Variants in RBFOX1 observed in about 807,000 individuals in gnomAD.
RBFOX1 encodes RNA binding protein fox-1 homolog 1.
A neutral mutation model predicts 57.7 loss-of-function variants in RBFOX1; 8 were observed. The ratio of observed to expected loss-of-function variants is 0.14; its 90% CI spans 0.08 to 0.25. The LOEUF is 0.25. Ranked by LOEUF, RBFOX1 falls within the 10% of genes least tolerant of loss-of-function variation. The probability of loss-of-function intolerance (pLI) is 1.00; values close to 1 mark genes in which losing one functional copy is unlikely to be tolerated. For missense variants in RBFOX1, 611 were observed against 548.5 expected (o/e 1.11, Z -1.14); for synonymous variants, 326 against 222.4 (o/e 1.47, Z -4.15).
At chr16:5,424,819 C>CTCTCT (rs2067465556) in intron 1 of RBFOX1, among the ~76,000 whole-genome samples, 1 of 150,398 alleles carries the variant, frequency 6.6e-6, no homozygotes. Context: ...TTCTCTTCTC[C>CTCTCT]TCTCCTCTCC....
intron 4 of RBFOX1, among the ~76,000 whole-genome samples, chr16:7,417,877 A>G (rs1288610544): frequency 6.6e-6 from 1 of 152,060 alleles, no homozygotes; most frequent in East Asian, 1.9e-4. Context: ...TTCCTCTGTC[A>G]TCTCCCATCT....
At position 7,676,816 on chromosome 16, in the gene RBFOX1, ACTGCCG is replaced by A. The variant is rs974157467; in HGVS notation, c.979_984del (p.Ala327_Ala328del). On this transcript the variant is annotated inframe_deletion, in exon 14 of 16. Transcript: ENST00000550418. ...CCGCTACGCCCAGCCTACCCCTGCC[ACTGCCG>A]CTGCCTACAGTGACAGGTAAGGGTC... 2 of 1,613,164 alleles carry A rather than the reference ACTGCCG, an allele frequency of 1.2e-6. No individual in the cohort carries two copies. The highest frequency in any genetic ancestry group is 3.3e-5 in the Admixed American group (2 of 59,992).
chr16:5,628,619 G>A (rs572111127), intron 3 of RBFOX1, among the ~76,000 whole-genome samples: 13 of 152,284 alleles, frequency 8.5e-5, no homozygotes, highest in African/African-American at 2.6e-4. Flanking sequence ...CAATAAGAGC[G>A]AAGATACCCC....
At chr16:6,283,652 C>G (rs1000213438) in intron 1 of RBFOX1, among the ~76,000 whole-genome samples, 1 of 152,166 alleles carries the variant, frequency 6.6e-6, no homozygotes, top group Admixed American at 6.5e-5. Flanking sequence ...TCCCTTTGTC[C>G]CTACGTGCCG....
chr16:5,631,782 C>T (rs9888965), intron 3 of RBFOX1, among the ~76,000 whole-genome samples: 3 of 151,838 alleles, frequency 2.0e-5, no homozygotes, highest in Non-Finnish European at 2.9e-5. Flanking sequence ...TGTCCAGAGT[C>T]TGGTGAAAGG....
rs570096848 is a variant in RBFOX1 at position 6,638,703 on chromosome 16, C to G, written c.-63-15900C>G. 4.6e-5 allele frequency among the ~76,000 whole-genome samples: 7 copies of G among 152,132 alleles called. 1 individual carries two copies. Among genetic ancestry groups the G allele is most frequent in the Non-Finnish European group, 8.8e-5 (6 of 68,032 alleles). On this transcript the variant is annotated intron_variant, in intron 2 of 15. Coordinates refer to ENST00000550418, the MANE Select transcript of RBFOX1 (RefSeq NM_018723.4). The stretch of plus-strand genomic sequence containing the variant: ...ATTTAATGTTGTCTTATTACGAGCA[C>G]TCATTCCGGAGTACAAAAAATTGAG...
chr16:6,252,051 A>T (rs532987543), intron 1 of RBFOX1, among the ~76,000 whole-genome samples: 20 of 152,218 alleles, frequency 1.3e-4, no homozygotes, highest in Non-Finnish European at 2.9e-4. Flanking sequence ...TCCTTGCTTG[A>T]TGGAGGTTCG....
At chr16:7,240,898 A>G (rs762371772) in intron 4 of RBFOX1, among the ~76,000 whole-genome samples, 2 of 152,316 alleles carry the variant, frequency 1.3e-5, no homozygotes, top group East Asian at 3.9e-4. Context: ...CTCTTCTTGA[A>G]GTACTAATGT....
chr16:5,244,560 T>C (rs1478025699), intron 1 of RBFOX1, among the ~76,000 whole-genome samples: 1 of 152,240 alleles, frequency 6.6e-6, no homozygotes, highest in Non-Finnish European at 1.5e-5. Flanking sequence ...ACAGCTGGAC[T>C]ACAGAGGCTG....
intron 4 of RBFOX1, among the ~76,000 whole-genome samples, chr16:5,998,311 T>A (rs2060525240): frequency 1.3e-5 from 2 of 152,244 alleles, no homozygotes. Flanking sequence ...TGCAATTCAT[T>A]AAATTTGAGG....
chr16:5,369,458 TACCAGGC>T lies in RBFOX1; in HGVS notation c.220-97755_220-97749del, dbSNP rs1385395549. 1.6e-4 allele frequency among the ~76,000 whole-genome samples: 25 copies of T among 152,348 alleles called. No individual in the cohort carries two copies. The South Asian group carries it at 3.7e-3, about 23-fold the overall frequency. On this transcript the variant is annotated intron_variant, in intron 1 of 2. Coordinates refer to the RBFOX1 transcript ENST00000585867. ...TGGCATTTGCAAAAGACCTGCTCGG[TACCAGGC>T]ACTGCACTTAGATGCTTTCAGGCAT...
chr16:7,230,259 A>G (rs192952173), intron 4 of RBFOX1, among the ~76,000 whole-genome samples: 140 of 152,254 alleles, frequency 9.2e-4, no homozygotes, highest in African/African-American at 3.3e-3. Context: ...AACCCAAACA[A>G]AATAAACAAA....
At chr16:5,436,720 C>CCCA (rs150702885) in intron 1 of RBFOX1, among the ~76,000 whole-genome samples, 7,218 of 152,086 alleles carry the variant, frequency 0.047, 223 homozygotes, top group Middle Eastern at 0.088. Flanking sequence ...TGCCTGTAAT[C>CCCA]CCACCTGTTT....
At chr16:7,052,269 C>T (rs539549579) in intron 4 of RBFOX1, among the ~76,000 whole-genome samples, 171 bp downstream of exon 4, 2 of 152,180 alleles carry the variant, frequency 1.3e-5, no homozygotes, top group African/African-American at 4.8e-5. Context: ...CTGTTAAATA[C>T]AGTATATCTT....
intron 4 of RBFOX1, among the ~76,000 whole-genome samples, chr16:7,176,495 A>G (rs575520224): frequency 1.0e-3 from 155 of 152,220 alleles, no homozygotes; most frequent in African/African-American, 3.4e-3. Context: ...ACCTCTCGGG[A>G]AAAATCCAGC....
intron 3 of RBFOX1, among the ~76,000 whole-genome samples, chr16:7,018,591 C>T (rs1026261771): frequency 6.6e-5 from 10 of 151,926 alleles, no homozygotes; most frequent in African/African-American, 2.2e-4. Flanking sequence ...GGGTATTTAC[C>T]CAGTAATGGG....
chr16:5,945,325 C>G (rs188529078), intron 4 of RBFOX1, among the ~76,000 whole-genome samples: 6 of 152,296 alleles, frequency 3.9e-5, no homozygotes, highest in Non-Finnish European at 5.9e-5. Flanking sequence ...CGTTGAGGAA[C>G]AAGGGGTGAG....
intron 3 of RBFOX1, among the ~76,000 whole-genome samples, chr16:6,931,572 G>A (rs957501791): frequency 6.6e-6 from 1 of 151,982 alleles, no homozygotes; most frequent in Non-Finnish European, 1.5e-5. Flanking sequence ...TCACACTCTT[G>A]CCACCCTACA....
At chr16:7,682,492 C>A (rs936312072) in intron 14 of RBFOX1, among the ~76,000 whole-genome samples, 1 of 114,906 alleles carries the variant, frequency 8.7e-6, no homozygotes. Flanking sequence ...AAGCCAAAGT[C>A]ATATCTCTGT....
Sources: allele counts gnomAD v4.1 joint callset (sites outside exome capture counted in the v4.1 genomes callset), GRCh38; gene constraint gnomAD v4.1.1; transcripts MANE v1.5; gene names NCBI Gene and HGNC (gene_info 2026-07-23, HGNC 2026-07-21).